The following IMMP1L variants were observed in gnomAD, a reference collection of about 807,000 sequenced individuals.
IMMP1L encodes mitochondrial inner membrane protease subunit 1.
A neutral mutation model predicts 21.8 loss-of-function variants in IMMP1L; 24 were observed. The ratio of observed to expected loss-of-function variants is 1.10; its 90% CI spans 0.80 to 1.55. The LOEUF (loss-of-function observed/expected upper bound fraction) is 1.55. Ranked by LOEUF, IMMP1L falls within the 40% of genes most tolerant of loss-of-function variation. IMMP1L has a pLI of 0.00. For missense variants in IMMP1L, 195 were observed against 200.7 expected (o/e 0.97, Z 0.17); for synonymous variants, 46 against 62.8 (o/e 0.73, Z 1.26).
intron 4 of IMMP1L, among the ~76,000 whole-genome samples, chr11:31,437,805 T>G (rs923314397): frequency 6.6e-6 from 1 of 152,184 alleles, no homozygotes; most frequent in African/African-American, 2.4e-5. Context: ...TGTTACTAGA[T>G]AGTAGTTGTG....
At chr11:31,469,899 A>T (rs1233781357) in intron 1 of IMMP1L, 1 of 152,200 alleles carries the variant, frequency 6.6e-6, no homozygotes, top group Non-Finnish European at 1.5e-5. Context: ...CTACCTTTAC[A>T]TAAGAAATAA....
intron 1 of IMMP1L, among the ~76,000 whole-genome samples, chr11:31,490,068 A>C (rs1179342952): frequency 6.6e-6 from 1 of 152,224 alleles, no homozygotes. Context: ...ATTCTAATAA[A>C]GAGGTAATTT....
intron 4 of IMMP1L, among the ~76,000 whole-genome samples, chr11:31,442,723 G>A (rs932622608): frequency 3.9e-5 from 6 of 151,976 alleles, no homozygotes; most frequent in South Asian, 2.1e-4. Flanking sequence ...AAATTATGAC[G>A]CAAGGTGAGG....
chr11:31,486,866 G>A (rs937874747), intron 1 of IMMP1L, among the ~76,000 whole-genome samples: 1 of 151,842 alleles, frequency 6.6e-6, no homozygotes, highest in Non-Finnish European at 1.5e-5. Context: ...TAAACATACT[G>A]CTTAGGAATA....
intron 1 of IMMP1L, among the ~76,000 whole-genome samples, chr11:31,492,472 C>A (rs746669120): frequency 2.6e-5 from 4 of 152,174 alleles, no homozygotes; most frequent in Non-Finnish European, 4.4e-5. Context: ...TCTTTCTTAA[C>A]ATTCATGAGT....
intron 4 of IMMP1L, among the ~76,000 whole-genome samples, chr11:31,437,484 C>T (rs1023850924): frequency 3.9e-5 from 6 of 152,140 alleles, no homozygotes; most frequent in African/African-American, 1.2e-4. Flanking sequence ...TCAACCCATA[C>T]TCAGTTTACC....
At chr11:31,435,626 G>A (rs901449364) in intron 4 of IMMP1L, among the ~76,000 whole-genome samples, 2 of 152,044 alleles carry the variant, frequency 1.3e-5, no homozygotes, top group East Asian at 1.9e-4. Context: ...TCTTCTTTTC[G>A]TGTTTAAGAG....
intron 4 of IMMP1L, among the ~76,000 whole-genome samples, chr11:31,441,424 G>C (rs1953326046): frequency 1.3e-5 from 2 of 149,632 alleles, no homozygotes; most frequent in South Asian, 4.3e-4. Flanking sequence ...ACAAGTAAAT[G>C]ACTTGTCATT....
chr11:31,477,016 C>G (rs1398181507), intron 1 of IMMP1L: 1 of 152,008 alleles, frequency 6.6e-6, no homozygotes, highest in Non-Finnish European at 1.5e-5. Flanking sequence ...TTACTCTATA[C>G]TTTTATATAT....
At chr11:31,490,961 A>G (rs2133790267) in intron 1 of IMMP1L, among the ~76,000 whole-genome samples, 1 of 152,342 alleles carries the variant, frequency 6.6e-6, no homozygotes, top group South Asian at 2.1e-4. Flanking sequence ...GTCTCAGGGC[A>G]AGGAATAACA....
chr11:31,446,447 G>C (rs1034266393), intron 4 of IMMP1L, among the ~76,000 whole-genome samples: 19 of 152,102 alleles, frequency 1.2e-4, no homozygotes, highest in Non-Finnish European at 2.8e-4. Context: ...AAGGAACTGA[G>C]CCTTGTTTAA....
rs148692631 is a variant in IMMP1L at position 31,485,925 on chromosome 11, C to T, written c.-29-22620G>A. Among the ~76,000 whole-genome samples, 6 of 151,860 alleles carry T rather than the reference C, an allele frequency of 4.0e-5. No homozygotes were observed. The East Asian group carries it at 1.2e-3, about 29-fold the overall frequency. Reference sequence around the variant, plus strand: ...TTCTGTTTAAGAGAACAAAGACACACGTTTTTCTGATGAAGTACTCAAAGT... The same window carrying T: ...TTCTGTTTAAGAGAACAAAGACACATGTTTTTCTGATGAAGTACTCAAAGT... On this transcript the variant is annotated intron_variant, in intron 1 of 5. Coordinates refer to ENST00000532287, the MANE Select transcript of IMMP1L (RefSeq NM_001304274.2).
chr11:31,504,465 G>A (rs921030071), intron 1 of IMMP1L, among the ~76,000 whole-genome samples: 9 of 152,118 alleles, frequency 5.9e-5, no homozygotes, highest in South Asian at 2.1e-4. Context: ...GCTCAACTTC[G>A]TCAGTTCAAA....
chr11:31,500,593 G>GCGCA (rs1554952088), intron 1 of IMMP1L, among the ~76,000 whole-genome samples: 6 of 55,322 alleles, frequency 1.1e-4, no homozygotes, highest in Admixed American at 1.6e-4. Flanking sequence ...TTCCACATAT[G>GCGCA]CACACACACA....
chr11:31,460,773 T>G, intron 2 of IMMP1L, 59 bp from the exon 3 acceptor site: 1 of 1,142,494 alleles, frequency 8.8e-7, no homozygotes, highest in South Asian at 1.3e-5. Flanking sequence ...TTAACATAAA[T>G]CTTTTAAGCA....
At position 31,473,320 on chromosome 11, in the gene IMMP1L, A is replaced by T. The variant is rs564524029; in HGVS notation, c.-29-10015T>A. Among the ~76,000 whole-genome samples the T allele has an allele frequency of 3.3e-5, 5 of 152,304 alleles. No individual in the cohort carries two copies. The South Asian group carries it at 1.0e-3, about 32-fold the overall frequency. On this transcript the variant is annotated intron_variant, in intron 1 of 5. Transcript: ENST00000532287. ...CGCCTCAGCCTCCCAAAGTGCTGGG[A>T]TTACAGGCATGAGCCACTGCGCCCG...
At chr11:31,490,859 C>T (rs1045302061) in intron 1 of IMMP1L, among the ~76,000 whole-genome samples, 1 of 151,996 alleles carries the variant, frequency 6.6e-6, no homozygotes, top group African/African-American at 2.4e-5. Flanking sequence ...GTCCTAAATC[C>T]AACGGGAACG....
rs1197951958 is a variant in IMMP1L, at chr11:31,444,647, T to C, written c.322-11077A>G. Among the ~76,000 whole-genome samples, 3 of 150,886 alleles carry C rather than the reference T, an allele frequency of 2.0e-5. No homozygotes were observed. In the East Asian group the frequency reaches 5.8e-4, roughly 29 times the overall value. On this transcript the variant is annotated intron_variant, in intron 4 of 5. Transcript: ENST00000532287. ...CTCTGTTGCCCAGGCTGGAGTGCCA[T>C]GGCGCGATCTTGGCTCACTGCAACC...
intron 4 of IMMP1L, chr11:31,452,285 A>G (rs1953782030): frequency 5.1e-6 from 5 of 983,308 alleles, no homozygotes; most frequent in Non-Finnish European, 6.0e-6. Context: ...GATTAAAAGC[A>G]TAGTCCTGGA....
Sources: allele counts gnomAD v4.1 joint callset (sites outside exome capture counted in the v4.1 genomes callset), GRCh38; gene constraint gnomAD v4.1.1; transcripts MANE v1.5; gene names NCBI Gene and HGNC (gene_info 2026-07-23, HGNC 2026-07-21).